Variants in THAP4 observed in about 807,000 individuals in gnomAD.
The protein encoded by THAP4 is THAP domain containing 4, also known as peroxynitrite isomerase THAP4.
A neutral mutation model predicts 48.1 loss-of-function variants in THAP4; 18 were observed. The observed-to-expected ratio is 0.37, with a 90% CI of 0.26 to 0.56. The LOEUF (loss-of-function observed/expected upper bound fraction) is 0.56, where lower values mean the gene tolerates loss of function less well. Among genes scored for constraint, THAP4 ranks in the 20% least tolerant of loss-of-function variants. THAP4 has a pLI of 0.78. For missense variants in THAP4, 656 were observed against 774.9 expected (o/e 0.85, Z 1.82); for synonymous variants, 345 against 324.9 (o/e 1.06, Z -0.66).
chr2:241,598,002 T>C (rs1575021214), intron 5 of THAP4, among the ~76,000 whole-genome samples: 1 of 146,974 alleles, frequency 6.8e-6, no homozygotes, highest in Non-Finnish European at 1.5e-5. Flanking sequence ...CAAAAAACCC[T>C]GATAAAATAG....
At chr2:241,594,595 C>T in intron 5 of THAP4, 1 of 357,382 alleles carries the variant, frequency 2.8e-6, no homozygotes, top group Non-Finnish European at 5.6e-6. Context: ...AACAAAACAA[C>T]AACAACAACA....
intron 5 of THAP4, among the ~76,000 whole-genome samples, chr2:241,597,432 C>G (rs182064030): frequency 6.6e-6 from 1 of 152,312 alleles, no homozygotes; most frequent in Non-Finnish European, 1.5e-5. Flanking sequence ...CTGCGCCCAG[C>G]TGGAAAACTT....
chr2:241,637,290 C>T, upstream of THAP4: 2 of 1,124,978 alleles, frequency 1.8e-6, no homozygotes, highest in Non-Finnish European at 2.2e-6. Flanking sequence ...GGCAGGCGGG[C>T]AGACGGGCGG....
At chr2:241,614,475 C>T (rs988587860) in intron 2 of THAP4, among the ~76,000 whole-genome samples, 1 of 152,200 alleles carries the variant, frequency 6.6e-6, no homozygotes, top group Non-Finnish European at 1.5e-5. Context: ...GAGAAAGAAA[C>T]TAAATGAAAT....
rs960670144 is a variant in THAP4, at chr2:241,601,915, T to C, written c.1595A>G (p.Lys532Arg). Residue 532 changes from lysine to arginine, a missense_variant, in exon 5 of 6, where the codon AAG becomes AGG. By Grantham distance (26) the Lys-to-Arg change is conservative. Transcript: ENST00000407315. The surrounding 1 kb of genome is among the most constrained non-coding windows in gnomAD (Gnocchi z 4.0). ...SHSIARISFA[K>R]EPHVEQITRK... is the part of the protein sequence containing the mutation. Reference sequence around the variant, plus strand: ...GCTCACCTGCTCTACGTGGGGCTCCTTGGCGAAGGAGATCCTGGCGATGGA... The same window carrying C: ...GCTCACCTGCTCTACGTGGGGCTCCCTGGCGAAGGAGATCCTGGCGATGGA... 9 of 1,613,816 alleles carry C rather than the reference T, an allele frequency of 5.6e-6. No homozygotes were observed. In the Admixed American group the frequency reaches 8.3e-5, roughly 15 times the overall value.
chr2:241,619,198 C>T (rs1169312145), intron 2 of THAP4, among the ~76,000 whole-genome samples: 1 of 152,192 alleles, frequency 6.6e-6, no homozygotes, highest in Admixed American at 6.5e-5. Context: ...CTCGGAGAAA[C>T]TCCACGACAA....
At chr2:241,617,185 GA>G in intron 2 of THAP4, among the ~76,000 whole-genome samples, 1 of 152,132 alleles carries the variant, frequency 6.6e-6, no homozygotes, top group South Asian at 2.1e-4. Context: ...TACTTCATTA[GA>G]AAAAAATAAA....
intron 2 of THAP4, among the ~76,000 whole-genome samples, chr2:241,630,647 C>T (rs1385226733): frequency 2.0e-5 from 3 of 152,000 alleles, no homozygotes; most frequent in South Asian, 4.1e-4. Context: ...GGTGTGGTGG[C>T]GCATGCCTGT....
intron 5 of THAP4, among the ~76,000 whole-genome samples, chr2:241,585,914 AAAAAAAAAAAAAAAAG>A (rs927901498): frequency 7.1e-6 from 1 of 140,914 alleles, no homozygotes; most frequent in African/African-American, 2.6e-5. Flanking sequence ...CTCCTTCTCA[AAAAAAAAAAAAAAAAG>A]AAAAAAAAAA....
rs1351715372 is a variant in THAP4, at chr2:241,633,604, C to T, written c.553G>A (p.Gly185Ser). Residue 185 changes from glycine (G) to serine (S), a missense_variant, in exon 2 of 6, where the codon GGC (glycine) becomes AGC (serine). By Grantham distance (56) the Gly-to-Ser change is moderately conservative. Transcript: ENST00000407315. This position sits in a 1 kb window ranked among gnomAD's most constrained non-coding sequence, Gnocchi z 7.5. ...GACGCTTCTGCTTTTCCCTGACTGC[C>T]TGCCACCATGGTGGCCAGTCCATCT... ...PGDGLATMVA[G>S]SQGKAEASAT... 6.2e-7 allele frequency: 1 copy of T among 1,613,314 alleles called. No individual in the cohort carries two copies. The highest frequency in any genetic ancestry group is 8.5e-7 in the Non-Finnish European group (1 of 1,179,936).
In THAP4 at chr2:241,610,808, G is replaced by A. The variant is rs1009450315; in HGVS notation, c.1241-4335C>T. On this transcript the variant is annotated intron_variant, in intron 2 of 5. Transcript: ENST00000407315. This position sits in a 1 kb window ranked among gnomAD's most constrained non-coding sequence, Gnocchi z 4.2. Reference sequence around the variant, plus strand: ...AAAGACGGACAGAGCCAGGGACAGCGAGAGACGGGACGGGGACAGAGACAC... The same window carrying A: ...AAAGACGGACAGAGCCAGGGACAGCAAGAGACGGGACGGGGACAGAGACAC... 2.6e-5 allele frequency among the ~76,000 whole-genome samples: 4 copies of A among 152,032 alleles called. No homozygotes were observed. Among genetic ancestry groups the A allele is most frequent in the East Asian group, 1.9e-4 (1 of 5,158 alleles).
At chr2:241,613,554 G>A (rs1482061607) in intron 2 of THAP4, among the ~76,000 whole-genome samples, 2 of 152,098 alleles carry the variant, frequency 1.3e-5, no homozygotes, top group Non-Finnish European at 2.9e-5. Context: ...AGGAGTTTGA[G>A]ACCAGCCCAG....
Position 241,584,541 on chromosome 2 carries a change from G to A in THAP4, c.*65C>T. 6.3e-7 allele frequency: 1 copy of A among 1,594,352 alleles called. No individual in the cohort carries two copies. Among genetic ancestry groups the A allele is most frequent in the Non-Finnish European group, 8.6e-7 (1 of 1,163,598 alleles). On this transcript the variant is annotated 3_prime_UTR_variant, in exon 6 of 6. Coordinates refer to ENST00000407315, the MANE Select transcript of THAP4 (RefSeq NM_015963.6). ...CCCACTTCTGCCGCAGGGACTGTCTGTTGAGGAGCCGAACCGTTGAGGCAC... is the reference window on the plus strand; with the variant it reads ...CCCACTTCTGCCGCAGGGACTGTCTATTGAGGAGCCGAACCGTTGAGGCAC...
Position 241,616,653 on chromosome 2 carries a change from T to TA in THAP4, c.1241-10181dup, listed in dbSNP as rs1024558036. 3.9e-5 allele frequency among the ~76,000 whole-genome samples: 6 copies of TA among 152,128 alleles called. No individual in the cohort carries two copies. The highest frequency in any genetic ancestry group is 1.2e-4 in the African/African-American group (5 of 41,432). On this transcript the variant is annotated intron_variant, in intron 2 of 5. Transcript: ENST00000407315. The surrounding 1 kb of genome is among the most constrained non-coding windows in gnomAD (Gnocchi z 4.6). ...CAGCACTTATGTGGCAATTTCTTTT[T>TA]AAAAAACTAGAGAATTCTAAGATAG...
intron 5 of THAP4, 79 bp from the exon 6 acceptor site, chr2:241,584,804 C>G: frequency 6.4e-7 from 1 of 1,551,276 alleles, no homozygotes; most frequent in Non-Finnish European, 8.9e-7. Flanking sequence ...CCACTGCATG[C>G]CACACACTCA....
intron 2 of THAP4, among the ~76,000 whole-genome samples, chr2:241,620,053 G>T (rs1178049610): frequency 9.9e-6 from 1 of 101,492 alleles, no homozygotes; most frequent in African/African-American, 3.9e-5. Flanking sequence ...AGTGAGTGAG[G>T]GGTGAGTGAG....
chr2:241,613,626 G>A (rs771002256), intron 2 of THAP4, among the ~76,000 whole-genome samples: 3 of 152,068 alleles, frequency 2.0e-5, no homozygotes, highest in African/African-American at 4.8e-5. Context: ...GTGGTGGCAC[G>A]TGCCTGTCGT....
At chr2:241,635,787 G>GA (rs943957867) in intron 1 of THAP4, among the ~76,000 whole-genome samples, 39 of 150,922 alleles carry the variant, frequency 2.6e-4, no homozygotes, top group South Asian at 6.3e-4. Context: ...GAGAAAAAAA[G>GA]AAAAAAAAAC....
At chr2:241,625,976 G>A (rs2067492167) in intron 2 of THAP4, among the ~76,000 whole-genome samples, 1 of 152,094 alleles carries the variant, frequency 6.6e-6, no homozygotes, top group African/African-American at 2.4e-5. Flanking sequence ...CTGGCTCTGT[G>A]CTCTAAAATT....
Sources: gnomAD v4.1 joint callset for allele counts (sites outside exome capture counted in the v4.1 genomes callset) on GRCh38, gnomAD v4.1.1 for gene constraint, Gnocchi (gnomAD v3.1) non-coding constraint, MANE v1.5 for transcripts, NCBI Gene and HGNC (gene_info 2026-07-23, HGNC 2026-07-21) for gene names.